GRIA4: variants seen among roughly 807,000 people sequenced by gnomAD.
The protein encoded by GRIA4 is glutamate ionotropic receptor AMPA type subunit 4.
Under a neutral mutation model 104.0 loss-of-function variants are expected in GRIA4, and 34 were observed. The ratio of observed to expected loss-of-function variants is 0.33; its 90% CI spans 0.25 to 0.44. The LOEUF (loss-of-function observed/expected upper bound fraction) is 0.44. GRIA4 is among the 20% of genes least tolerant of loss of function. The pLI, the probability that GRIA4 is intolerant of heterozygous loss-of-function variation, is 1.00. For synonymous variants in GRIA4, 386 were observed against 381.9 expected (o/e 1.01, Z -0.13); for missense variants, 750 against 1,096.5 (o/e 0.68, Z 4.46).
chr11:105,824,802 G>T (rs189356037), intron 4 of GRIA4: 19 of 152,160 alleles, frequency 1.2e-4, no homozygotes, highest in Admixed American at 4.6e-4. Context: ...TCATCTGTGG[G>T]GTACATAATC....
chr11:105,846,652 G>A (rs1944607611), intron 4 of GRIA4, among the ~76,000 whole-genome samples: 1 of 151,870 alleles, frequency 6.6e-6, no homozygotes, highest in South Asian at 2.1e-4. Context: ...TGAACTTCTT[G>A]GTAATCAGTG....
At chr11:105,805,333 A>G (rs1013041067) in intron 4 of GRIA4, among the ~76,000 whole-genome samples, 4 of 151,736 alleles carry the variant, frequency 2.6e-5, no homozygotes, top group Admixed American at 2.0e-4. Flanking sequence ...GATCATCCAT[A>G]ATCTAGTAAG....
intron 14 of GRIA4, among the ~76,000 whole-genome samples, chr11:105,942,504 C>G (rs1490830870): frequency 2.6e-5 from 4 of 152,012 alleles, no homozygotes; most frequent in South Asian, 2.1e-4. Flanking sequence ...GTTAAACCCT[C>G]TTATGATGTC....
chr11:105,791,225 G>C (rs1266336013), intron 4 of GRIA4, among the ~76,000 whole-genome samples: 1 of 152,136 alleles, frequency 6.6e-6, no homozygotes, highest in Non-Finnish European at 1.5e-5. Flanking sequence ...TTATGAATTA[G>C]AGTGCTGCTT....
chr11:105,911,617 C>A (rs1469141371), intron 10 of GRIA4, among the ~76,000 whole-genome samples: 1 of 150,852 alleles, frequency 6.6e-6, no homozygotes, highest in Non-Finnish European at 1.5e-5. Context: ...ATATGTTGTA[C>A]TTAGTTTTAA....
chr11:105,769,369 A>G (rs1941105214), intron 4 of GRIA4, among the ~76,000 whole-genome samples: 1 of 152,032 alleles, frequency 6.6e-6, no homozygotes, highest in Non-Finnish European at 1.5e-5. Context: ...TAGATCTTAA[A>G]GACTAAGATT....
chr11:105,825,344 G>A (rs1031600790), intron 4 of GRIA4, among the ~76,000 whole-genome samples: 2 of 152,004 alleles, frequency 1.3e-5, no homozygotes, highest in Admixed American at 6.6e-5. Flanking sequence ...CCAGGCCTAG[G>A]CATTTATGGG....
chr11:105,772,229 AACCCTGAATAACGCC>A, intron 4 of GRIA4, among the ~76,000 whole-genome samples: 1 of 152,140 alleles, frequency 6.6e-6, no homozygotes, highest in Non-Finnish European at 1.5e-5. Flanking sequence ...GAATACCATA[AACCCTGAATAACGCC>A]AACGTACCCG....
At chr11:105,662,449 ACT>A (rs1342998632) in intron 3 of GRIA4, among the ~76,000 whole-genome samples, 1 of 151,816 alleles carries the variant, frequency 6.6e-6, no homozygotes, top group Non-Finnish European at 1.5e-5. Context: ...AGGAAAAAAC[ACT>A]GTTAGTCTTT....
chr11:105,707,324 A>G (rs1953739424), intron 3 of GRIA4: 1 of 152,600 alleles, frequency 6.6e-6, no homozygotes, highest in Non-Finnish European at 1.5e-5. Context: ...AAAAGGCAAC[A>G]AGTCTTAAAT....
At chr11:105,670,681 A>G (rs753507654) in intron 3 of GRIA4, among the ~76,000 whole-genome samples, 5 of 152,150 alleles carry the variant, frequency 3.3e-5, no homozygotes, top group Non-Finnish European at 5.9e-5. Context: ...GGTAGTAACT[A>G]GGGTATCATG....
At chr11:105,859,833 G>A (rs1397968633) in intron 4 of GRIA4, among the ~76,000 whole-genome samples, 3 of 152,048 alleles carry the variant, frequency 2.0e-5, no homozygotes, top group East Asian at 3.9e-4. Context: ...ATTTTAAGTC[G>A]AAGAACATGT....
chr11:105,728,668 C>T (rs1254461924), intron 3 of GRIA4, among the ~76,000 whole-genome samples: 1 of 152,152 alleles, frequency 6.6e-6, no homozygotes, highest in African/African-American at 2.4e-5. Flanking sequence ...GACTGCAGTG[C>T]AATCAAATTA....
chr11:105,955,749 A>G lies in GRIA4; in HGVS notation c.2295-16165A>G, dbSNP rs574017269. Among the ~76,000 whole-genome samples, 6 of 152,314 alleles carry G rather than the reference A, an allele frequency of 3.9e-5. No individual in the cohort carries two copies. The South Asian group carries it at 1.2e-3, about 32-fold the overall frequency. On this transcript the variant is annotated intron_variant, in intron 14 of 16. Transcript: ENST00000282499. ...AAATTCCCACCAACAGTATAAAAGC[A>G]TTCCTATTTCTCCACAGCCTTGCCA...
rs557478662 is a variant in GRIA4 at position 105,957,952 on chromosome 11, C to T, written c.2295-13962C>T. ...TATAGGAATGCTTGTGATTTTTGGA[C>T]GTTGATTTTGTATCCTGAGACTTTG... On this transcript the variant is annotated intron_variant, in intron 14 of 16. Transcript: ENST00000282499. Among the ~76,000 whole-genome samples the T allele has an allele frequency of 5.3e-5, 8 of 152,212 alleles. 1 individual carries two copies. The South Asian group carries it at 1.5e-3, about 28-fold the overall frequency.
At chr11:105,769,133 G>A (rs1941091447) in intron 4 of GRIA4, among the ~76,000 whole-genome samples, 1 of 152,090 alleles carries the variant, frequency 6.6e-6, no homozygotes, top group Non-Finnish European at 1.5e-5. Flanking sequence ...CAAGGACTAG[G>A]TCTTGGTCTG....
intron 3 of GRIA4, among the ~76,000 whole-genome samples, chr11:105,730,946 A>G (rs1938547047): frequency 6.6e-6 from 1 of 152,166 alleles, no homozygotes; most frequent in South Asian, 2.1e-4. Flanking sequence ...CCTAGGCAAT[A>G]CCCTCAGAAC....
chr11:105,870,878 T>C (rs1395363531), intron 5 of GRIA4, among the ~76,000 whole-genome samples: 2 of 152,090 alleles, frequency 1.3e-5, no homozygotes, highest in African/African-American at 2.4e-5. Flanking sequence ...ACATAGAGAA[T>C]GAACCAGAAA....
chr11:105,841,428 C>A lies in GRIA4; in HGVS notation c.488-20596C>A, dbSNP rs1162228306. On this transcript the variant is annotated intron_variant, in intron 4 of 16. Coordinates refer to ENST00000282499, the MANE Select transcript of GRIA4 (RefSeq NM_000829.4). ...GTGGATGATTGGCACTCCTTCACAG[C>A]AGGACTGTGGGCCTGGAGTCCAATG... Among the ~76,000 whole-genome samples, 3 of 152,128 alleles carry A rather than the reference C, an allele frequency of 2.0e-5. No homozygotes were observed. In the South Asian group the frequency reaches 6.2e-4, roughly 31 times the overall value.
Sources: allele counts gnomAD v4.1 joint callset (sites outside exome capture counted in the v4.1 genomes callset), GRCh38; gene constraint gnomAD v4.1.1; transcripts MANE v1.5; gene names NCBI Gene and HGNC (gene_info 2026-07-23, HGNC 2026-07-21).